Variants in TMEM40 observed in about 807,000 individuals in gnomAD.
TMEM40 encodes the protein transmembrane protein 40.
A neutral mutation model predicts 40.8 loss-of-function variants in TMEM40; 34 were observed. That is an observed-to-expected ratio of 0.83 (90% CI 0.63 to 1.11). The LOEUF (loss-of-function observed/expected upper bound fraction) is 1.11, where lower values mean the gene tolerates loss of function less well. Among genes scored for constraint, TMEM40 ranks in the 50% least tolerant of loss-of-function variants. The probability of loss-of-function intolerance (pLI) is 0.00; values close to 1 mark genes in which losing one functional copy is unlikely to be tolerated. For synonymous variants in TMEM40, 106 were observed against 107.0 expected (o/e 0.99, Z 0.06); for missense variants, 296 against 280.2 (o/e 1.06, Z -0.40).
chr3:12,747,281 G>T (rs2061436570), intron 3 of TMEM40, among the ~76,000 whole-genome samples: 1 of 151,852 alleles, frequency 6.6e-6, no homozygotes, highest in Admixed American at 6.6e-5. Context: ...CAGGAGCTCT[G>T]GTTGAGGAGG....
At position 12,755,180 on chromosome 3, in the gene TMEM40, C is replaced by CTCCT. The variant is rs143320946; in HGVS notation, c.-9+4007_-9+4010dup. The stretch of plus-strand genomic sequence containing the variant: ...TTTCTCTTTCTTTCTTTCTCTCTCT[C>CTCCT]TCCTTCCTTCCTTCCTTCCTTTCTT... On this transcript the variant is annotated intron_variant, in intron 1 of 11. Transcript: ENST00000314124. 9.9e-4 allele frequency among the ~76,000 whole-genome samples: 127 copies of CTCCT among 127,986 alleles called. 1 individual carries two copies. Among genetic ancestry groups the CTCCT allele is most frequent in the South Asian group, 6.0e-3 (25 of 4,180 alleles). The allele number at this position is 127,986 out of a possible 152,430, so 84.0% of individuals were successfully genotyped here. A position where few individuals can be genotyped will look rare whatever the true frequency, so the allele number is the denominator to read the frequency against.
chr3:12,737,452 A>G (rs2061345982), intron 8 of TMEM40: 1 of 570,538 alleles, frequency 1.8e-6, no homozygotes, highest in Non-Finnish European at 3.1e-6. Flanking sequence ...GCAGAGGACC[A>G]GGGCTCAAGC....
intron 1 of TMEM40, among the ~76,000 whole-genome samples, chr3:12,766,014 C>T (rs543027682): frequency 3.3e-5 from 5 of 152,070 alleles, no homozygotes; most frequent in Admixed American, 6.6e-5. Context: ...GCACCACCTG[C>T]GCCCGGCTAA....
intron 1 of TMEM40, among the ~76,000 whole-genome samples, chr3:12,767,210 A>AT (rs2061598167): frequency 6.6e-6 from 1 of 152,054 alleles, no homozygotes; most frequent in African/African-American, 2.4e-5. Flanking sequence ...CAGTTGCCAA[A>AT]TTTTTTCAGT....
intron 1 of TMEM40, 73 bp from the exon 2 acceptor site, chr3:12,749,913 TA>T: frequency 7.4e-7 from 1 of 1,360,186 alleles, no homozygotes; most frequent in Non-Finnish European, 1.0e-6. Context: ...GCTTGGCAAA[TA>T]AATAAGAAAA....
intron 1 of TMEM40, among the ~76,000 whole-genome samples, chr3:12,756,783 C>G (rs2061531563): frequency 6.6e-6 from 1 of 151,702 alleles, no homozygotes. Flanking sequence ...ACCTCCCTCT[C>G]TCTCTCTCTA....
intron 3 of TMEM40, among the ~76,000 whole-genome samples, chr3:12,744,356 G>T (rs2061409696): frequency 6.6e-6 from 1 of 152,120 alleles, no homozygotes; most frequent in African/African-American, 2.4e-5. Flanking sequence ...TGCTGGCTCT[G>T]GATGTTTGCT....
At chr3:12,746,091 T>G (rs1425983923) in intron 3 of TMEM40, among the ~76,000 whole-genome samples, 1 of 151,962 alleles carries the variant, frequency 6.6e-6, no homozygotes, top group Non-Finnish European at 1.5e-5. Flanking sequence ...AGAGACGAGG[T>G]TTCACCATGT....
chr3:12,755,552 T>C (rs779352283), intron 1 of TMEM40, among the ~76,000 whole-genome samples: 14 of 152,122 alleles, frequency 9.2e-5, no homozygotes, highest in Non-Finnish European at 2.1e-4. Flanking sequence ...AGGGTTGGCT[T>C]AGATGTTCTT....
At chr3:12,735,830 T>C (rs1559522938) in intron 10 of TMEM40, among the ~76,000 whole-genome samples, 2 of 152,182 alleles carry the variant, frequency 1.3e-5, no homozygotes, top group Non-Finnish European at 2.9e-5. Context: ...ACTCACCAAA[T>C]TCAGTTCCCA....
chr3:12,750,895 G>C (rs909233593), intron 1 of TMEM40, among the ~76,000 whole-genome samples: 1 of 152,128 alleles, frequency 6.6e-6, no homozygotes, highest in South Asian at 2.1e-4. Context: ...TCCAGACATT[G>C]CCAAATGACC....
intron 5 of TMEM40, among the ~76,000 whole-genome samples, chr3:12,741,035 G>A (rs189990091): frequency 4.4e-4 from 67 of 152,312 alleles, no homozygotes; most frequent in African/African-American, 1.6e-3. Context: ...CTCTGGACTA[G>A]ACAGGCAACT....
intron 3 of TMEM40, among the ~76,000 whole-genome samples, chr3:12,746,049 C>G (rs1457432340): frequency 2.0e-5 from 3 of 152,108 alleles, no homozygotes; most frequent in Non-Finnish European, 4.4e-5. Context: ...AGGTGCCCAC[C>G]ACCACACCTG....
intron 5 of TMEM40, among the ~76,000 whole-genome samples, chr3:12,739,467 G>A (rs998144114): frequency 2.0e-5 from 3 of 151,950 alleles, no homozygotes; most frequent in African/African-American, 7.3e-5. Context: ...TGTATTTTTA[G>A]TAGAGACGGG....
At chr3:12,737,210 A>T (rs1241603182) in intron 8 of TMEM40, among the ~76,000 whole-genome samples, 1 of 149,334 alleles carries the variant, frequency 6.7e-6, no homozygotes, top group Non-Finnish European at 1.5e-5. Context: ...ATTACAAAAA[A>T]TCTCTGTGTG....
chr3:12,768,797 T>C (rs2106625893), intron 1 of TMEM40, among the ~76,000 whole-genome samples: 1 of 151,936 alleles, frequency 6.6e-6, no homozygotes, highest in East Asian at 1.9e-4. Context: ...GCTCCCACAG[T>C]CCTCAGCCCT....
At chr3:12,735,185 C>T (rs1309113326) in intron 11 of TMEM40, among the ~76,000 whole-genome samples, 2 of 152,188 alleles carry the variant, frequency 1.3e-5, no homozygotes, top group African/African-American at 4.8e-5. Flanking sequence ...AGCCTACCTC[C>T]CCAGTTGCTA....
At chr3:12,748,355 A>G (rs2061445436) in intron 3 of TMEM40, among the ~76,000 whole-genome samples, 2 of 152,234 alleles carry the variant, frequency 1.3e-5, no homozygotes, top group African/African-American at 4.8e-5. Context: ...TTTACATGAG[A>G]TGCAGCCACT....
At position 12,745,371 on chromosome 3, in the gene TMEM40, A is replaced by G. The variant is rs1315495198; in HGVS notation, c.212-1382T>C. On this transcript the variant is annotated intron_variant, in intron 3 of 11. Coordinates refer to ENST00000314124, the MANE Select transcript of TMEM40 (RefSeq NM_018306.4). ...GTGTGCATCACCACACCTGGCAATT[A>G]CTCCAAATTTTATCAGCTAGAGACA... 2.6e-5 allele frequency among the ~76,000 whole-genome samples: 4 copies of G among 151,580 alleles called. No homozygotes were observed. In the East Asian group the frequency reaches 7.8e-4, roughly 30 times the overall value.
Sources: gnomAD v4.1 joint callset for allele counts (sites outside exome capture counted in the v4.1 genomes callset) on GRCh38, gnomAD v4.1.1 for gene constraint, MANE v1.5 for transcripts, NCBI Gene and HGNC (gene_info 2026-07-23, HGNC 2026-07-21) for gene names.